IL1RAPL2: variants seen among roughly 807,000 people sequenced by gnomAD.
IL1RAPL2 encodes X-linked interleukin-1 receptor accessory protein-like 2.
In IL1RAPL2, 3 loss-of-function variants were observed where a neutral mutation model predicts 44.1. That is an observed-to-expected ratio of 0.07 (90% confidence interval 0.03 to 0.18). IL1RAPL2 has a LOEUF of 0.18. Among genes scored for constraint, IL1RAPL2 ranks in the 10% least tolerant of loss-of-function variants. IL1RAPL2 has a pLI of 1.00. For synonymous variants in IL1RAPL2, 181 were observed against 178.8 expected, an observed-to-expected ratio of 1.01 and a Z score of -0.10; for missense variants, 391 against 496.4, an observed-to-expected ratio of 0.79 and a Z score of 2.02.
At chrX:104,819,215 A>G (rs1921233223) in intron 2 of IL1RAPL2, among the ~76,000 whole-genome samples, 1 of 112,473 alleles carries the variant, frequency 8.9e-6, no homozygotes, top group Non-Finnish European at 1.9e-5. Context: ...TATAAAGTCA[A>G]AAATGTGTTT....
At chrX:105,448,616 T>A (rs1382269945) in intron 5 of IL1RAPL2, among the ~76,000 whole-genome samples, 1 of 111,036 alleles carries the variant, frequency 9.0e-6, no homozygotes, top group Non-Finnish European at 1.9e-5. Flanking sequence ...CCACCCTCCT[T>A]GGCCTCCCAA....
chrX:105,461,063 A>G (rs770216027), intron 5 of IL1RAPL2, among the ~76,000 whole-genome samples: 6 of 111,794 alleles, frequency 5.4e-5, no homozygotes, highest in Non-Finnish European at 1.9e-5. Flanking sequence ...TGAATTTCCT[A>G]TGTTACGTTG....
At chrX:105,726,078 T>G (rs968084941) in intron 7 of IL1RAPL2, among the ~76,000 whole-genome samples, 1 of 111,559 alleles carries the variant, frequency 9.0e-6, no homozygotes, top group Non-Finnish European at 1.9e-5. Flanking sequence ...CTTCATTTAT[T>G]GAGCAGATTT....
chrX:104,805,211 A>G (rs1209847397), intron 2 of IL1RAPL2, among the ~76,000 whole-genome samples: 1 of 111,935 alleles, frequency 8.9e-6, no homozygotes, highest in Non-Finnish European at 1.9e-5. Flanking sequence ...CTGAGAGTAT[A>G]AAAGCACATG....
At chrX:105,022,499 G>A (rs1320940885) in intron 2 of IL1RAPL2, among the ~76,000 whole-genome samples, 1 of 111,624 alleles carries the variant, frequency 9.0e-6, no homozygotes, top group Non-Finnish European at 1.9e-5. Context: ...ACCAGAAGAA[G>A]TTTAAAACTT....
intron 2 of IL1RAPL2, among the ~76,000 whole-genome samples, chrX:104,890,619 T>G (rs1032934279): frequency 3.6e-5 from 4 of 112,486 alleles, no homozygotes; most frequent in African/African-American, 1.3e-4. Context: ...TCTGTTCATA[T>G]GCTTTGTCTG....
intron 6 of IL1RAPL2, among the ~76,000 whole-genome samples, chrX:105,672,370 C>A (rs1364262823): frequency 8.9e-6 from 1 of 112,387 alleles, no homozygotes; most frequent in Non-Finnish European, 1.9e-5. Flanking sequence ...CACTCAGCTT[C>A]CACTGACAGC....
intron 6 of IL1RAPL2, among the ~76,000 whole-genome samples, chrX:105,600,288 G>A (rs1269728183): frequency 1.8e-5 from 2 of 110,346 alleles, no homozygotes; most frequent in South Asian, 3.8e-4. Context: ...ATACCTGCAC[G>A]TAGTTTTTTT....
chrX:104,839,441 G>A (rs1371617002), intron 2 of IL1RAPL2, among the ~76,000 whole-genome samples: 2 of 111,951 alleles, frequency 1.8e-5, no homozygotes, highest in Non-Finnish European at 3.8e-5. Context: ...AAGTTGACTT[G>A]ATTGTGGTGG....
Position 105,208,548 on chromosome X carries a change from G to A in IL1RAPL2, c.356+12800G>A, listed in dbSNP as rs1253345404. On this transcript the variant is annotated intron_variant, in intron 3 of 10. Transcript: ENST00000372582. ...CATTAATATTCGATGGGTATAGTCT[G>A]TATCTATAAATATGAGACAGAGAAA... Among the ~76,000 whole-genome samples, 3 of 111,117 alleles carry A rather than the reference G, an allele frequency of 2.7e-5. No homozygotes were observed. The East Asian group carries it at 8.5e-4, about 32-fold the overall frequency.
intron 2 of IL1RAPL2, among the ~76,000 whole-genome samples, chrX:104,976,873 C>G (rs1040655102): frequency 1.1e-5 from 1 of 89,144 alleles, no homozygotes; most frequent in African/African-American, 4.2e-5. Flanking sequence ...ACTGCCCTGA[C>G]TTAAACAATT....
At position 105,665,506 on chromosome X, in the gene IL1RAPL2, C is replaced by G. The variant is rs938907475; in HGVS notation, c.773-51861C>G. Among the ~76,000 whole-genome samples the G allele has an allele frequency of 3.6e-5, 4 of 110,314 alleles. No individual in the cohort carries two copies. The Admixed American group carries it at 3.9e-4, about 11-fold the overall frequency. ...TGGATGGAATTTTAAAACACTTGATCTTTTGAAAACTATATTCACCATAAT... is the reference window on the plus strand; with the variant it reads ...TGGATGGAATTTTAAAACACTTGATGTTTTGAAAACTATATTCACCATAAT... On this transcript the variant is annotated intron_variant, in intron 6 of 10. Coordinates refer to ENST00000372582, the MANE Select transcript of IL1RAPL2 (RefSeq NM_017416.2).
chrX:105,755,163 TC>T lies in IL1RAPL2; in HGVS notation c.1193-13del, dbSNP rs1412204727. On this transcript the variant is annotated splice_polypyrimidine_tract_variant and intron_variant, in intron 9 of 10. Coordinates refer to ENST00000372582, the MANE Select transcript of IL1RAPL2 (RefSeq NM_017416.2). Reference sequence around the variant, plus strand: ...TTAATAGTTACAACCCTTTTGTTGTTCTTTATGTTTAAGACAACAAGGAATA... The same window carrying T: ...TTAATAGTTACAACCCTTTTGTTGTTTTTATGTTTAAGACAACAAGGAATA... 8.6e-7 allele frequency: 1 copy of T among 1,157,015 alleles called. No homozygotes were observed. The highest frequency in any genetic ancestry group is 2.3e-5 in the Admixed American group (1 of 44,025).
intron 2 of IL1RAPL2, among the ~76,000 whole-genome samples, chrX:105,077,288 C>T (rs759872837): frequency 2.2e-4 from 25 of 111,366 alleles, no homozygotes; most frequent in Non-Finnish European, 3.4e-4. Context: ...TATTTTATTT[C>T]TCCTTCACTT....
At chrX:104,598,399 G>A (rs183223747) in intron 1 of IL1RAPL2, among the ~76,000 whole-genome samples, 13 of 112,154 alleles carry the variant, frequency 1.2e-4, no homozygotes, top group Admixed American at 7.6e-4. Context: ...AAAGGGAACC[G>A]GCTAGTCGCA....
intron 2 of IL1RAPL2, among the ~76,000 whole-genome samples, chrX:104,711,649 T>G (rs1931458171): frequency 9.5e-6 from 1 of 105,583 alleles, no homozygotes; most frequent in African/African-American, 3.5e-5. Flanking sequence ...AAGAGGAAAA[T>G]GAATAGGTAG....
At chrX:104,969,479 A>G (rs972378046) in intron 2 of IL1RAPL2, among the ~76,000 whole-genome samples, 2 of 111,895 alleles carry the variant, frequency 1.8e-5, no homozygotes, top group Non-Finnish European at 3.8e-5. Context: ...AAGGTTTTAT[A>G]ACATAAAACA....
intron 6 of IL1RAPL2, among the ~76,000 whole-genome samples, chrX:105,625,747 A>G (rs142048604): frequency 9.0e-6 from 1 of 110,592 alleles, no homozygotes; most frequent in Non-Finnish European, 1.9e-5. Context: ...ACTACTATTT[A>G]CTACAGAGCT....
intron 2 of IL1RAPL2, among the ~76,000 whole-genome samples, chrX:104,920,518 G>GCCCCT (rs10598272): frequency 1.0e-5 from 1 of 97,798 alleles, no homozygotes; most frequent in Admixed American, 1.1e-4. Context: ...AAAGTGTGTG[G>GCCCCT]CCCCTCCCCT....
Sources: gnomAD v4.1 joint callset for allele counts (sites outside exome capture counted in the v4.1 genomes callset) on GRCh38, gnomAD v4.1.1 for gene constraint, MANE v1.5 for transcripts, NCBI Gene and HGNC (gene_info 2026-07-23, HGNC 2026-07-21) for gene names.